RHPN1: variants seen among roughly 807,000 people sequenced by gnomAD.
RHPN1 encodes the protein rhophilin-1.
In RHPN1, 77 loss-of-function variants were observed where a neutral mutation model predicts 74.7. The observed-to-expected ratio is 1.03, with a 90% CI of 0.86 to 1.25. The LOEUF is 1.25. Ranked by LOEUF, RHPN1 falls within the 50% of genes most tolerant of loss-of-function variation. RHPN1 has a pLI of 0.00. For synonymous variants in RHPN1, 444 were observed against 414.5 expected (o/e 1.07, Z -0.87); for missense variants, 987 against 932.2 (o/e 1.06, Z -0.77).
At chr8:143,364,720 G>A (rs1010515862), upstream of RHPN1, among the ~76,000 whole-genome samples, 2 of 152,140 alleles carry the variant, frequency 1.3e-5, no homozygotes, top group Non-Finnish European at 2.9e-5. The surrounding 1 kb of genome is among the most constrained non-coding windows in gnomAD (Gnocchi z 4.5). Context: ...TCACCGGGAA[G>A]CCAGGTGCAT....
At chr8:143,366,374 T>C (rs1366640176), upstream of RHPN1, among the ~76,000 whole-genome samples, 1 of 152,076 alleles carries the variant, frequency 6.6e-6, no homozygotes, top group Admixed American at 6.6e-5. Flanking sequence ...CCCACACATG[T>C]ACCTCCAAAT....
At position 143,379,112 on chromosome 8, in the gene RHPN1, G is replaced by A. The variant is rs755207400; in HGVS notation, c.751+34G>A. The stretch of plus-strand genomic sequence containing the variant: ...GGCCCGGGCCGCGGTGGGGCACGGC[G>A]CGGTGCCAGGGTGTTGCAGAGCCCC... On this transcript the variant is annotated intron_variant, in intron 7 of 14. Coordinates refer to ENST00000289013, the MANE Select transcript of RHPN1 (RefSeq NM_052924.3). 2.1e-5 allele frequency: 30 copies of A among 1,463,344 alleles called. 1 individual carries two copies. The highest frequency in any genetic ancestry group is 1.5e-4 in the South Asian group (11 of 72,236). The allele number at this position is 1,463,344 out of a possible 1,614,324, so 90.6% of individuals were successfully genotyped here.
Position 143,376,602 on chromosome 8 carries a change from AGGAGGAGCT to A in RHPN1, c.264_272del (p.Glu89_Leu91del). On this transcript the variant is annotated inframe_deletion, in exon 3 of 15. Transcript: ENST00000289013. The stretch of plus-strand genomic sequence containing the variant: ...GTCAACTCCAACCTGCAGCTGCTGA[AGGAGGAGCT>A]GGAGGAGCTCAGCGGTGGCGTGGAC... The A allele has an allele frequency of 1.2e-6, 2 of 1,601,064 alleles. No homozygotes were observed. Among genetic ancestry groups the A allele is most frequent in the Non-Finnish European group, 1.7e-6 (2 of 1,174,280 alleles).
At chr8:143,368,293 T>TG, upstream of RHPN1, 1 of 153,796 alleles carries the variant, frequency 6.5e-6, no homozygotes. Context: ...CGCCTCGGAC[T>TG]GGGGCCAGGC....
In RHPN1 at chr8:143,381,577, CCTGT is replaced by C. The variant is rs1391376354; in HGVS notation, c.1499_1502del (p.Ser500CysfsTer16). ...GACCTCTGAGCCCCTGCCAGGGGCCCCTGTCTGTGTTCTCAGCCAAGAACCGGTG... is the reference window on the plus strand; with the variant it reads ...GACCTCTGAGCCCCTGCCAGGGGCCCCTGTGTTCTCAGCCAAGAACCGGTG... On this transcript the variant is annotated frameshift_variant, in exon 13 of 15. Coordinates refer to ENST00000289013, the MANE Select transcript of RHPN1 (RefSeq NM_052924.3). LOFTEE classifies it high-confidence loss of function. The C allele has an allele frequency of 1.2e-5, 20 of 1,607,264 alleles. No individual in the cohort carries two copies. The highest frequency in any genetic ancestry group is 1.6e-5 in the Non-Finnish European group (19 of 1,178,686).
At chr8:143,369,668 T>C (rs1336474987) in intron 1 of RHPN1, among the ~76,000 whole-genome samples, 1 of 152,106 alleles carries the variant, frequency 6.6e-6, no homozygotes, top group Non-Finnish European at 1.5e-5. Flanking sequence ...GGCCTTGCTC[T>C]GCAGCCCAGA....
At chr8:143,382,254 T>A (rs1029016749) in intron 14 of RHPN1, among the ~76,000 whole-genome samples, 182 bp from the exon 15 acceptor site, 15 of 152,208 alleles carry the variant, frequency 9.9e-5, no homozygotes, top group African/African-American at 3.6e-4. Flanking sequence ...CTACCCAGCA[T>A]GGCTGACCCA....
Position 143,375,555 on chromosome 8 carries a change from CTG to C in RHPN1, c.66_67del (p.Cys22Ter). 1 of 1,590,018 alleles carries C rather than the reference CTG, an allele frequency of 6.3e-7. No individual in the cohort carries two copies. The highest frequency in any genetic ancestry group is 2.3e-5 in the East Asian group (1 of 44,022). On this transcript the variant is annotated frameshift_variant, in exon 2 of 15. Transcript: ENST00000289013. LOFTEE classifies it high-confidence loss of function. ...AGEESPRLQG[C>X]DSLTQIQCGQ... ...GATCGCCTGTGGCCTCCCTGCAGGG[CTG>C]TGACTCCCTGACGCAGATCCAGTGC...
intron 8 of RHPN1, 52 bp downstream of exon 8, chr8:143,379,560 C>T (rs1818554890): frequency 2.0e-6 from 3 of 1,499,376 alleles, no homozygotes; most frequent in Non-Finnish European, 2.7e-6. Flanking sequence ...GAGCTGGGGT[C>T]AGAGCCCAGG....
intron 1 of RHPN1, 31 bp downstream of exon 1, chr8:143,369,078 G>A: frequency 6.9e-7 from 1 of 1,450,684 alleles, no homozygotes; most frequent in Non-Finnish European, 9.0e-7. Flanking sequence ...GGCGGGAGGA[G>A]GGGCCCGGAA....
intron 10 of RHPN1, 172 bp downstream of exon 10, chr8:143,380,347 G>A: frequency 1.5e-6 from 1 of 673,584 alleles, no homozygotes. Flanking sequence ...CAGCGCAGGG[G>A]CCCCAGGAGT....
rs906187771 is a variant in RHPN1 at position 143,384,051 on chromosome 8, C to T, written c.*1400C>T. 3 of 152,168 alleles carry T rather than the reference C, an allele frequency of 2.0e-5. No individual in the cohort carries two copies. Among genetic ancestry groups the T allele is most frequent in the Non-Finnish European group, 4.4e-5 (3 of 68,050 alleles). The allele number at this position is 152,168 out of a possible 1,614,324, so 9.4% of individuals were successfully genotyped here. ...TCCCAGAGACGCAGGCGCCGCGGCG[C>T]GATCTTCCTGGGCAGGAGGGCAGGG... On this transcript the variant is annotated 3_prime_UTR_variant, in exon 15 of 15. Transcript: ENST00000289013.
Position 143,382,787 on chromosome 8 carries a change from C to A in RHPN1, c.*136C>A. On this transcript the variant is annotated 3_prime_UTR_variant, in exon 15 of 15. Transcript: ENST00000289013. ...AGGCTGCCTCGGGCACCTGCCTGCC[C>A]ATTAAAGACTGGTCAGACCTGTCTG... is the stretch of plus-strand genomic sequence containing the variant. 1.4e-6 allele frequency: 1 copy of A among 715,538 alleles called. No individual in the cohort carries two copies. Among genetic ancestry groups the A allele is most frequent in the East Asian group, 2.7e-5 (1 of 36,866 alleles). 44.3% of individuals were successfully genotyped at this position (715,538 alleles called of 1,614,324 possible).
In RHPN1 at chr8:143,379,949, C is replaced by A; in HGVS notation, c.1066C>A (p.His356Asn). ...VKAEYFRSLA[H>N]YHVAMALCDG... is the part of the protein sequence containing the mutation. The stretch of plus-strand genomic sequence containing the variant: ...GGCCGAGTACTTCCGCTCCCTGGCC[C>A]ACTACCACGTAGCCATGGCCCTCTG... The change falls in exon 9 of 15, where the codon CAC becomes AAC. Residue 356 changes from histidine to asparagine, a missense_variant. His to Asn is a moderately conservative substitution (Grantham distance 68, BLOSUM62 1). Coordinates refer to ENST00000289013, the MANE Select transcript of RHPN1 (RefSeq NM_052924.3). 1 of 1,579,842 alleles carries A rather than the reference C, an allele frequency of 6.3e-7. No individual in the cohort carries two copies. The highest frequency in any genetic ancestry group is 2.3e-5 in the East Asian group (1 of 42,802).
Position 143,381,693 on chromosome 8 carries a change from C to G in RHPN1, c.1610C>G (p.Ala537Gly). ...GGAGACTCGCCTGTCCTCATCGCTG[C>G]CGTCATTCCAGGGAGCCAGGCCGCG... Reference protein sequence around the residue: ...LRGDSPVLIAAVIPGSQAAAA... With the variant: ...LRGDSPVLIAGVIPGSQAAAA... The change falls in exon 13 of 15, where the codon GCC (alanine) becomes GGC (glycine). Residue 537 changes from alanine (A) to glycine (G), a missense_variant. Coordinates refer to ENST00000289013, the MANE Select transcript of RHPN1 (RefSeq NM_052924.3). The G allele has an allele frequency of 1.2e-6, 2 of 1,611,390 alleles. No homozygotes were observed. The highest frequency in any genetic ancestry group is 3.3e-4 in the Middle Eastern group (2 of 6,056).
Position 143,368,917 on chromosome 8 carries a change from C to T in RHPN1, c.-71C>T. On this transcript the variant is annotated 5_prime_UTR_variant, in exon 1 of 15. Transcript: ENST00000289013. Reference sequence around the variant, plus strand: ...CCCAGGTGGTGCGGGCGGCCCTAGCCCGGCTGCGGAGCGCTGCGCGAGCGG... The same window carrying T: ...CCCAGGTGGTGCGGGCGGCCCTAGCTCGGCTGCGGAGCGCTGCGCGAGCGG... The T allele has an allele frequency of 1.5e-6, 2 of 1,290,430 alleles. No individual in the cohort carries two copies. Among genetic ancestry groups the T allele is most frequent in the South Asian group, 3.2e-5 (2 of 61,878 alleles). 79.9% of individuals were successfully genotyped at this position (1,290,430 alleles called of 1,614,324 possible).
At chr8:143,372,301 G>T (rs188438564) in intron 1 of RHPN1, among the ~76,000 whole-genome samples, 133 of 151,918 alleles carry the variant, frequency 8.8e-4, no homozygotes, top group Middle Eastern at 3.4e-3. Context: ...GGAAAGGTAG[G>T]GATGGGAGGC....
chr8:143,382,490 G>A lies in RHPN1; in HGVS notation c.1852G>A (p.Glu618Lys). The A allele has an allele frequency of 6.2e-7, 1 of 1,603,874 alleles. No homozygotes were observed. The highest frequency in any genetic ancestry group is 8.5e-7 in the Non-Finnish European group (1 of 1,176,152). The change falls in exon 15 of 15, where the codon GAG (glutamate) becomes AAG (lysine). Residue 618 changes from glutamate to lysine, a missense_variant. Glu to Lys is a moderately conservative substitution (Grantham distance 56, BLOSUM62 1). Transcript: ENST00000289013. ...CAGGGGGCTTCTAAGGAGCCAGAGG[G>A]AGCATGGTTGCAAGACCCCGGCATC... ...GPRGLLRSQR[E>K]HGCKTPASTW... is the part of the protein sequence containing the mutation.
chr8:143,380,397 A>G (rs554888647), intron 10 of RHPN1, 192 bp from the exon 11 acceptor site: 420 of 654,998 alleles, frequency 6.4e-4, no homozygotes, highest in Non-Finnish European at 8.4e-4. Flanking sequence ...CACTGGGAGC[A>G]GCTCATCCCT....
Sources: allele counts gnomAD v4.1 joint callset (sites outside exome capture counted in the v4.1 genomes callset), GRCh38; gene constraint gnomAD v4.1.1; non-coding constraint Gnocchi (gnomAD v3.1); transcripts MANE v1.5; gene names NCBI Gene and HGNC (gene_info 2026-07-23, HGNC 2026-07-21).